ALMS1: variants seen among roughly 807,000 people sequenced by gnomAD.
ALMS1 encodes centrosome-associated protein ALMS1.
Under a neutral mutation model 352.2 loss-of-function variants are expected in ALMS1, and 271 were observed. The observed-to-expected ratio is 0.77, with a 90% CI of 0.70 to 0.85. The LOEUF (loss-of-function observed/expected upper bound fraction) is 0.85. Among genes scored for constraint, ALMS1 ranks in the 40% least tolerant of loss-of-function variants. ALMS1 has a pLI of 0.00. For synonymous variants in ALMS1, 1,865 were observed against 1,761.2 expected (o/e 1.06, Z -1.48); for missense variants, 5,445 against 4,870.7 (o/e 1.12, Z -3.51).
At chr2:73,582,264 G>T (rs543245650) in intron 16 of ALMS1, among the ~76,000 whole-genome samples, 10 of 151,928 alleles carry the variant, frequency 6.6e-5, no homozygotes, top group Non-Finnish European at 2.9e-5. Flanking sequence ...TAAATGTTTG[G>T]TTTAAATTTT....
At chr2:73,517,292 C>T (rs1222610624) in intron 10 of ALMS1, among the ~76,000 whole-genome samples, 3 of 125,510 alleles carry the variant, frequency 2.4e-5, no homozygotes, top group Non-Finnish European at 3.1e-5. Context: ...TGCTCTGTTA[C>T]CCAGGCTCTG....
chr2:73,504,717 T>G (rs1444929268), intron 10 of ALMS1, among the ~76,000 whole-genome samples: 1 of 152,096 alleles, frequency 6.6e-6, no homozygotes, highest in African/African-American at 2.4e-5. Context: ...CTAATAAAGC[T>G]GTTATGAACA....
intron 7 of ALMS1, 52 bp from the exon 8 acceptor site, chr2:73,447,908 A>G: frequency 2.0e-6 from 3 of 1,519,126 alleles, no homozygotes; most frequent in South Asian, 2.7e-5. Context: ...CAGCACATAG[A>G]ATTTTAAAAT....
At position 73,453,893 on chromosome 2, in the gene ALMS1, A is replaced by G. The variant is rs1218728847; in HGVS notation, c.7366A>G (p.Ile2456Val). The change falls in exon 8 of 23, where the codon ATA becomes GTA. Residue 2456 changes from isoleucine to valine, a missense_variant. Coordinates refer to ENST00000613296, the MANE Select transcript of ALMS1 (RefSeq NM_001378454.1). ...TCCATATGTTTCACCCAAGACAAGT[A>G]TAACAGATAGCAGGGAGGAAGAGGG... ...FFPYVSPKTS[I>V]TDSREEEGVS... is the part of the protein sequence containing the mutation. The G allele has an allele frequency of 1.2e-6, 2 of 1,614,164 alleles. No homozygotes were observed. Among genetic ancestry groups the G allele is most frequent in the Admixed American group, 1.7e-5 (1 of 60,004 alleles).
At chr2:73,409,646 A>G (rs1671037830) in intron 2 of ALMS1, among the ~76,000 whole-genome samples, 1 of 152,234 alleles carries the variant, frequency 6.6e-6, no homozygotes, top group African/African-American at 2.4e-5. Context: ...ATTCCGGCTT[A>G]CTAGAACTCA....
intron 12 of ALMS1, among the ~76,000 whole-genome samples, chr2:73,542,074 A>G (rs1558687486): frequency 6.6e-6 from 1 of 152,148 alleles, no homozygotes; most frequent in Non-Finnish European, 1.5e-5. Context: ...AAAAAACAGA[A>G]TTTTAGACCA....
chr2:73,536,299 C>T (rs950369086), intron 12 of ALMS1, among the ~76,000 whole-genome samples: 4 of 152,144 alleles, frequency 2.6e-5, no homozygotes, highest in Non-Finnish European at 4.4e-5. Context: ...TATCGATATA[C>T]GTCACTAACA....
At position 73,517,246 on chromosome 2, in the gene ALMS1, C is replaced by CTTTTTTTTTTTTTTTTTTT. The variant is rs770879267; in HGVS notation, c.9540-2512_9540-2511insTTTTTTTTTTTTTTTTTTT. On this transcript the variant is annotated intron_variant, in intron 10 of 22. Transcript: ENST00000613296. Reference sequence around the variant, plus strand: ...CAAGTGATTTTTTGAAAGTTTTAGTCTTTTTTTTTTTTTTTTTCTTATAGA... The same window carrying CTTTTTTTTTTTTTTTTTTT: ...CAAGTGATTTTTTGAAAGTTTTAGTCTTTTTTTTTTTTTTTTTTTTTTTTTTTTTTTTTTTTCTTATAGA... Among the ~76,000 whole-genome samples the CTTTTTTTTTTTTTTTTTTT allele has an allele frequency of 8.2e-4, 86 of 104,958 alleles. 18 individuals are homozygous for CTTTTTTTTTTTTTTTTTTT. Among genetic ancestry groups the CTTTTTTTTTTTTTTTTTTT allele is most frequent in the African/African-American group, 2.5e-3 (54 of 21,250 alleles). The allele number at this position is 104,958 out of a possible 152,430, so 68.9% of individuals were successfully genotyped here. A position where few individuals can be genotyped will look rare whatever the true frequency, so the allele number is the denominator to read the frequency against.
intron 9 of ALMS1, among the ~76,000 whole-genome samples, chr2:73,487,389 A>T (rs1422839659): frequency 6.6e-6 from 1 of 152,066 alleles, no homozygotes; most frequent in Non-Finnish European, 1.5e-5. Context: ...CTGCAGCTGG[A>T]CCAGATGTAC....
Position 73,490,786 on chromosome 2 carries a change from A to G in ALMS1, c.8827A>G (p.Arg2943Gly), listed in dbSNP as rs1672964913. The change falls in exon 10 of 23, where the codon AGA becomes GGA. Residue 2943 changes from arginine (R) to glycine (G), a missense_variant. Arg to Gly is a moderately radical substitution (Grantham distance 125). Coordinates refer to ENST00000613296, the MANE Select transcript of ALMS1 (RefSeq NM_001378454.1). ...AGCCCCATATGTAGATCATCAAATG[A>G]GAGAAAACCATTCTCCCCTTCCTCA... ...CKAPYVDHQM[R>G]ENHSPLPQGQ... The G allele has an allele frequency of 1.2e-6, 2 of 1,614,122 alleles. No homozygotes were observed. The highest frequency in any genetic ancestry group is 1.7e-6 in the Non-Finnish European group (2 of 1,180,020).
intron 11 of ALMS1, among the ~76,000 whole-genome samples, chr2:73,525,304 T>C (rs776303964): frequency 1.2e-4 from 19 of 152,234 alleles, no homozygotes; most frequent in Non-Finnish European, 2.5e-4. Flanking sequence ...GTGGGATTGC[T>C]GGATCATATG....
chr2:73,452,812 T>A lies in ALMS1; in HGVS notation c.6285T>A (p.Tyr2095Ter). ...AACCAGTATCTCTCTCTAGTTCTTATTTTCACAGAGAGAAATCGAATATTT... is the reference window on the plus strand; with the variant it reads ...AACCAGTATCTCTCTCTAGTTCTTAATTTCACAGAGAGAAATCGAATATTT... ...TGKPVSLSSS[Y>*]FHREKSNIFS... The change falls in exon 8 of 23, where the codon TAT becomes TAA. Residue 2095 changes from tyrosine (Y) to a stop codon, truncating the protein, a stop_gained. Coordinates refer to ENST00000613296, the MANE Select transcript of ALMS1 (RefSeq NM_001378454.1). LOFTEE classifies it high-confidence loss of function. The A allele has an allele frequency of 6.2e-7, 1 of 1,613,756 alleles. No homozygotes were observed. The highest frequency in any genetic ancestry group is 8.5e-7 in the Non-Finnish European group (1 of 1,179,956).
intron 6 of ALMS1, 31 bp downstream of exon 6, chr2:73,426,584 A>T (rs1671383954): frequency 6.2e-7 from 1 of 1,601,004 alleles, no homozygotes; most frequent in African/African-American, 1.3e-5. Flanking sequence ...AGTTGTAAGA[A>T]ACGTGGCCTT....
chr2:73,501,396 T>G (rs1281879751), intron 10 of ALMS1, among the ~76,000 whole-genome samples: 1 of 152,122 alleles, frequency 6.6e-6, no homozygotes, highest in East Asian at 1.9e-4. Context: ...TAATCAAGTG[T>G]TGTAAAAGTT....
rs761795114 is a variant in ALMS1 at position 73,456,053 on chromosome 2, T to G, written c.7674+758T>G. On this transcript the variant is annotated intron_variant, in intron 9 of 22. Coordinates refer to ENST00000613296, the MANE Select transcript of ALMS1 (RefSeq NM_001378454.1). Reference sequence around the variant, plus strand: ...GAAAAGAGCATATATGAATCATTTATGTAAAGAATAGCAGCAAGTAAAAAT... The same window carrying G: ...GAAAAGAGCATATATGAATCATTTAGGTAAAGAATAGCAGCAAGTAAAAAT... Among the ~76,000 whole-genome samples the G allele has an allele frequency of 9.2e-5, 14 of 152,354 alleles. No individual in the cohort carries two copies. The Middle Eastern group carries it at 0.01, about 111-fold the overall frequency.
intron 13 of ALMS1, among the ~76,000 whole-genome samples, chr2:73,554,986 GA>G (rs1674514925): frequency 6.6e-6 from 1 of 152,084 alleles, no homozygotes; most frequent in East Asian, 1.9e-4. Flanking sequence ...TATTTTAAGA[GA>G]AAATTATAAA....
At chr2:73,406,453 T>G (rs1445742498) in intron 1 of ALMS1, among the ~76,000 whole-genome samples, 1 of 150,784 alleles carries the variant, frequency 6.6e-6, no homozygotes, top group African/African-American at 2.4e-5. Context: ...TTTTTTTTTT[T>G]GGTAATTTCT....
chr2:73,543,526 T>G (rs1402209466), intron 12 of ALMS1, among the ~76,000 whole-genome samples: 3 of 152,068 alleles, frequency 2.0e-5, no homozygotes, highest in Non-Finnish European at 4.4e-5. Context: ...GGGATCTAAT[T>G]AAACTAAAGA....
chr2:73,527,996 C>T (rs908944786), intron 11 of ALMS1, among the ~76,000 whole-genome samples: 1 of 151,996 alleles, frequency 6.6e-6, no homozygotes. Flanking sequence ...TTCTTGATTT[C>T]TTCCTTGACC....
Sources: gnomAD v4.1 joint callset for allele counts (sites outside exome capture counted in the v4.1 genomes callset) on GRCh38, gnomAD v4.1.1 for gene constraint, MANE v1.5 for transcripts, NCBI Gene and HGNC (gene_info 2026-07-23, HGNC 2026-07-21) for gene names.